SSBP3: variants seen among roughly 807,000 people sequenced by gnomAD.
SSBP3 encodes the protein single stranded DNA binding protein 3, also known as single-stranded DNA-binding protein 3.
A neutral mutation model predicts 69.6 loss-of-function variants in SSBP3; 5 were observed. That is an observed-to-expected ratio of 0.07 (90% confidence interval 0.04 to 0.15). The LOEUF is 0.15. Among genes scored for constraint, SSBP3 ranks in the 10% least tolerant of loss-of-function variants. The pLI, the probability that SSBP3 is intolerant of heterozygous loss-of-function variation, is 1.00. For synonymous variants in SSBP3, 196 were observed against 193.4 expected (o/e 1.01, Z -0.11); for missense variants, 312 against 534.0 (o/e 0.58, Z 4.10).
chr1:54,407,618 CTT>C (rs1377520238), upstream of SSBP3, among the ~76,000 whole-genome samples: 4 of 152,074 alleles, frequency 2.6e-5, no homozygotes, highest in African/African-American at 9.7e-5. Flanking sequence ...GAGCGGATCT[CTT>C]TAAATGTGAT....
chr1:54,336,774 G>C (rs2100493283), intron 4 of SSBP3, among the ~76,000 whole-genome samples: 1 of 152,250 alleles, frequency 6.6e-6, no homozygotes, highest in Admixed American at 6.5e-5. Flanking sequence ...GGCTCACAAG[G>C]ATGCTGGGGA....
intron 4 of SSBP3, among the ~76,000 whole-genome samples, chr1:54,358,925 C>T (rs1295609054): frequency 2.6e-5 from 4 of 152,150 alleles, no homozygotes; most frequent in African/African-American, 9.7e-5. Flanking sequence ...TACCACAGAG[C>T]AAAGCGGATC....
intron 17 of SSBP3, among the ~76,000 whole-genome samples, chr1:54,228,021 T>C (rs2100544867): frequency 6.6e-6 from 1 of 152,282 alleles, no homozygotes; most frequent in South Asian, 2.1e-4. Flanking sequence ...GCTTAATCAG[T>C]GCCAGAGGCA....
chr1:54,325,954 C>T (rs1388164890), intron 4 of SSBP3, among the ~76,000 whole-genome samples: 1 of 151,942 alleles, frequency 6.6e-6, no homozygotes, highest in Non-Finnish European at 1.5e-5. Flanking sequence ...GGCAGCTCCC[C>T]CCCGCCACCC....
At chr1:54,305,265 A>AG (rs1645878255) in intron 4 of SSBP3, among the ~76,000 whole-genome samples, 1 of 152,200 alleles carries the variant, frequency 6.6e-6, no homozygotes, top group South Asian at 2.1e-4. Flanking sequence ...GCACAGACCC[A>AG]GGCCCTGCCC....
At chr1:54,357,807 A>G (rs560526035) in intron 4 of SSBP3, among the ~76,000 whole-genome samples, 45 of 152,376 alleles carry the variant, frequency 3.0e-4, no homozygotes, top group African/African-American at 1.1e-3. Flanking sequence ...CCTGGCACCC[A>G]GGGAGCAGGG....
chr1:54,390,500 G>C (rs1436837087), intron 4 of SSBP3, among the ~76,000 whole-genome samples: 2 of 152,176 alleles, frequency 1.3e-5, no homozygotes, highest in African/African-American at 4.8e-5. Flanking sequence ...CTTGGGGTCA[G>C]AATCGACTGA....
At position 54,226,380 on chromosome 1, in the gene SSBP3, G is replaced by A. The variant is rs74073242; in HGVS notation, c.*751C>T. Reference sequence around the variant, plus strand: ...CTGGGTTCTGGGGTCCAAGCGTGCCGCTGCTGTTGCCATGGAAATCAAGCT... The same window carrying A: ...CTGGGTTCTGGGGTCCAAGCGTGCCACTGCTGTTGCCATGGAAATCAAGCT... On this transcript the variant is annotated 3_prime_UTR_variant, in exon 18 of 18. Coordinates refer to ENST00000610401, the Ensembl canonical transcript of SSBP3. 4.4e-3 allele frequency: 669 copies of A among 153,200 alleles called. 9 individuals carry two copies. The highest frequency in any genetic ancestry group is 0.015 in the African/African-American group (640 of 41,578). The allele number at this position is 153,200 out of a possible 1,614,324, so 9.5% of individuals were successfully genotyped here.
At chr1:54,326,184 G>C (rs752588244) in intron 4 of SSBP3, 1 of 152,100 alleles carries the variant, frequency 6.6e-6, no homozygotes, top group East Asian at 1.9e-4. Flanking sequence ...AACAATTAGC[G>C]GATGAATGAA....
chr1:54,248,031 A>G (rs1381489714), intron 9 of SSBP3, among the ~76,000 whole-genome samples: 1 of 152,224 alleles, frequency 6.6e-6, no homozygotes, highest in South Asian at 2.1e-4. Flanking sequence ...TTAGGCTGAC[A>G]TGTGACACAG....
intron 6 of SSBP3, 100 bp from the exon 7 acceptor site, chr1:54,257,286 G>C (rs1344491757): frequency 4.6e-6 from 5 of 1,081,356 alleles, no homozygotes. Flanking sequence ...GTTATAACTA[G>C]TGATCTTTTA....
intron 4 of SSBP3, among the ~76,000 whole-genome samples, chr1:54,381,053 C>G (rs914807797): frequency 8.6e-5 from 13 of 151,822 alleles, no homozygotes; most frequent in African/African-American, 3.1e-4. Flanking sequence ...AGGCTGCACT[C>G]CAGCCTGGGT....
intron 4 of SSBP3, among the ~76,000 whole-genome samples, chr1:54,285,858 A>G (rs1040056288): frequency 2.0e-5 from 3 of 152,330 alleles, no homozygotes; most frequent in Admixed American, 1.3e-4. Flanking sequence ...TGGATTCAGA[A>G]GCTAGAGATC....
chr1:54,389,006 G>A (rs541673901), intron 4 of SSBP3, among the ~76,000 whole-genome samples: 2 of 152,318 alleles, frequency 1.3e-5, no homozygotes, highest in South Asian at 4.1e-4. Flanking sequence ...CTTCACTGGG[G>A]GCTCTTGAGG....
intron 4 of SSBP3, among the ~76,000 whole-genome samples, chr1:54,366,070 TCCC>T (rs918043147): frequency 1.4e-4 from 21 of 152,104 alleles, no homozygotes; most frequent in African/African-American, 5.1e-4. Context: ...ATCATTAAGG[TCCC>T]CACCCCTCCT....
At chr1:54,274,218 G>A (rs1015101416) in intron 5 of SSBP3, among the ~76,000 whole-genome samples, 1 of 152,276 alleles carries the variant, frequency 6.6e-6, no homozygotes, top group East Asian at 1.9e-4. Flanking sequence ...AAGAAGCTGC[G>A]GATCCCACCG....
At chr1:54,311,736 C>A (rs941956151) in intron 4 of SSBP3, among the ~76,000 whole-genome samples, 3 of 152,092 alleles carry the variant, frequency 2.0e-5, no homozygotes, top group Admixed American at 6.5e-5. Flanking sequence ...GTCAGAGTCT[C>A]CAATTTCTAA....
intron 4 of SSBP3, among the ~76,000 whole-genome samples, chr1:54,387,780 G>A (rs952213240): frequency 3.3e-5 from 5 of 151,948 alleles, no homozygotes; most frequent in South Asian, 2.1e-4. Context: ...TCCTGCGATC[G>A]GCTCTCCACC....
chr1:54,359,180 A>T (rs1646914083), intron 4 of SSBP3, among the ~76,000 whole-genome samples: 1 of 147,620 alleles, frequency 6.8e-6, no homozygotes, highest in African/African-American at 2.5e-5. Context: ...ACAGAGACAT[A>T]TATGAGTTGC....
Sources: gnomAD v4.1 joint callset for allele counts (sites outside exome capture counted in the v4.1 genomes callset) on GRCh38, gnomAD v4.1.1 for gene constraint, MANE v1.5 for transcripts, NCBI Gene and HGNC (gene_info 2026-07-23, HGNC 2026-07-21) for gene names.